Variants in TBC1D9 observed in about 807,000 individuals in gnomAD.
TBC1D9 encodes the protein TBC1 domain family member 9, also known as TBC1 domain family member 9A.
In TBC1D9, 63 loss-of-function variants were observed where a neutral mutation model predicts 132.0. The ratio of observed to expected loss-of-function variants is 0.48; its 90% CI spans 0.39 to 0.59. TBC1D9 has a LOEUF of 0.59. Ranked by LOEUF, TBC1D9 falls within the 20% of genes least tolerant of loss-of-function variation. TBC1D9 has a pLI of 0.00. For synonymous variants in TBC1D9, 610 were observed against 609.9 expected (o/e 1.00, Z 0.00); for missense variants, 1,261 against 1,592.7 (o/e 0.79, Z 3.54).
rs1337019231 is a variant in TBC1D9 at position 140,675,513 on chromosome 4, T to C, written c.1059+1381A>G. Reference sequence around the variant, plus strand: ...CTTTCTCTGACATCCTAACCTGGGGTCTTTGTCAACTCCAAGCCTCACAGC... The same window carrying C: ...CTTTCTCTGACATCCTAACCTGGGGCCTTTGTCAACTCCAAGCCTCACAGC... On this transcript the variant is annotated intron_variant, in intron 6 of 20. Transcript: ENST00000442267. 2.6e-5 allele frequency among the ~76,000 whole-genome samples: 4 copies of C among 152,100 alleles called. No individual in the cohort carries two copies. The East Asian group carries it at 7.7e-4, about 29-fold the overall frequency.
At position 140,669,713 on chromosome 4, in the gene TBC1D9, C is replaced by T; in HGVS notation, c.1358G>A (p.Gly453Asp). ...CTGTGTGGCTGTGGGGACGCTGTTG[C>T]CATTTAGGTTAAACTGGCGCTCTCC... ...ADGERQFNLN[G>D]NSVPTATQTL... is the part of the protein sequence containing the mutation. Residue 453 changes from glycine to aspartate, a missense_variant, in exon 8 of 21, where the codon GGC becomes GAC. Around this residue, in one of 3 missense-constraint regions of TBC1D9, gnomAD observed 550 missense variants for 699.0 expected, o/e 0.79. Coordinates refer to ENST00000442267, the MANE Select transcript of TBC1D9 (RefSeq NM_015130.3). 1 of 1,613,956 alleles carries T rather than the reference C, an allele frequency of 6.2e-7. No homozygotes were observed. Among genetic ancestry groups the T allele is most frequent in the Non-Finnish European group, 8.5e-7 (1 of 1,179,882 alleles).
intron 9 of TBC1D9, among the ~76,000 whole-genome samples, chr4:140,666,035 A>C (rs1218053359): frequency 6.6e-6 from 1 of 152,186 alleles, no homozygotes; most frequent in African/African-American, 2.4e-5. Flanking sequence ...CATAGGAACC[A>C]AAAAGTAGAA....
At chr4:140,670,236 A>G (rs2111009433) in intron 7 of TBC1D9, among the ~76,000 whole-genome samples, 1 of 152,268 alleles carries the variant, frequency 6.6e-6, no homozygotes, top group Middle Eastern at 3.4e-3. Flanking sequence ...CCACCTTCGA[A>G]ACATGTTTTA....
chr4:140,666,290 C>T (rs552872721), intron 9 of TBC1D9, among the ~76,000 whole-genome samples: 3 of 152,108 alleles, frequency 2.0e-5, no homozygotes, highest in African/African-American at 7.2e-5. Context: ...TGGGAGGGGG[C>T]TTGAGGGGAA....
chr4:140,733,493 T>C (rs994301732), intron 1 of TBC1D9, among the ~76,000 whole-genome samples: 14 of 152,202 alleles, frequency 9.2e-5, no homozygotes, highest in African/African-American at 2.7e-4. Flanking sequence ...ATTTTCCCTA[T>C]TAATTTCAAC....
At chr4:140,722,112 G>C (rs1239199881) in intron 1 of TBC1D9, among the ~76,000 whole-genome samples, 1 of 152,176 alleles carries the variant, frequency 6.6e-6, no homozygotes, top group Non-Finnish European at 1.5e-5. Context: ...TCAATTCATA[G>C]TAGCAGGGGA....
chr4:140,696,536 AC>A (rs1421105480), intron 2 of TBC1D9, among the ~76,000 whole-genome samples: 1 of 148,268 alleles, frequency 6.7e-6, no homozygotes, highest in East Asian at 2.1e-4. Flanking sequence ...TGGTACCTCC[AC>A]CCCGCTTTCT....
chr4:140,680,797 A>C lies in TBC1D9; in HGVS notation c.361-954T>G, dbSNP rs534690129. ...AAATTGCAACTGCCTCCTCATACCT[A>C]GAATTCCTGCTTTTTGGGCTCTTAA... On this transcript the variant is annotated intron_variant, in intron 3 of 20. Transcript: ENST00000442267. Among the ~76,000 whole-genome samples, 16 of 152,224 alleles carry C rather than the reference A, an allele frequency of 1.1e-4. No homozygotes were observed. The South Asian group carries it at 3.3e-3, about 32-fold the overall frequency.
In TBC1D9 at chr4:140,684,454, T is replaced by C. The variant is rs187427406; in HGVS notation, c.360+1890A>G. Among the ~76,000 whole-genome samples the C allele has an allele frequency of 4.3e-4, 65 of 152,262 alleles. 1 individual carries two copies. Among genetic ancestry groups the C allele is most frequent in the Admixed American group, 3.9e-3 (59 of 15,294 alleles). On this transcript the variant is annotated intron_variant, in intron 3 of 20. Transcript: ENST00000442267. ...CCATTCATCTGCACATGAATGACAT[T>C]CTTTCACACATAACTGCATTAATAG...
At chr4:140,652,076 C>CA (rs987007218) in intron 13 of TBC1D9, among the ~76,000 whole-genome samples, 35 of 151,814 alleles carry the variant, frequency 2.3e-4, no homozygotes, top group African/African-American at 8.2e-4. Flanking sequence ...CCATCTCTAC[C>CA]AAAAATACCA....
At position 140,621,569 on chromosome 4, in the gene TBC1D9, TG is replaced by T. The variant is rs1736614004; in HGVS notation, c.*625del. 6.6e-6 allele frequency: 1 copy of T among 152,252 alleles called. No individual in the cohort carries two copies. The highest frequency in any genetic ancestry group is 2.4e-5 in the African/African-American group (1 of 41,474). The allele number at this position is 152,252 out of a possible 1,614,324, so 9.4% of individuals were successfully genotyped here. ...CAATACAAGTGTTATTCTGGAATCA[TG>T]TAAAAATCACTTACTTTCATAACTG... On this transcript the variant is annotated 3_prime_UTR_variant, in exon 21 of 21. Coordinates refer to ENST00000442267, the MANE Select transcript of TBC1D9 (RefSeq NM_015130.3).
At chr4:140,693,006 C>T (rs554180929) in intron 2 of TBC1D9, among the ~76,000 whole-genome samples, 1 of 151,984 alleles carries the variant, frequency 6.6e-6, no homozygotes, top group South Asian at 2.1e-4. Context: ...GCTTGCTCCA[C>T]TCCAGAGTGA....
At chr4:140,630,525 G>T (rs1437542414) in intron 16 of TBC1D9, among the ~76,000 whole-genome samples, 1 of 152,062 alleles carries the variant, frequency 6.6e-6, no homozygotes, top group Non-Finnish European at 1.5e-5. Flanking sequence ...CCTAAAATCT[G>T]TACTGACATA....
chr4:140,735,205 GA>G (rs1738653953), intron 1 of TBC1D9, among the ~76,000 whole-genome samples: 1 of 152,086 alleles, frequency 6.6e-6, no homozygotes, highest in Non-Finnish European at 1.5e-5. Flanking sequence ...TAACCCTAAA[GA>G]AACTGCCTAC....
At chr4:140,676,823 A>G (rs1326139908) in intron 6 of TBC1D9, 71 bp downstream of exon 6, 2 of 1,558,748 alleles carry the variant, frequency 1.3e-6, no homozygotes, top group African/African-American at 2.7e-5. Flanking sequence ...TTGGTAAAAA[A>G]ATTATTCCTG....
chr4:140,741,200 C>T (rs747066352), intron 1 of TBC1D9, among the ~76,000 whole-genome samples: 2 of 152,108 alleles, frequency 1.3e-5, no homozygotes, highest in African/African-American at 4.8e-5. Flanking sequence ...CAAACTCCAA[C>T]GTGACTCTAG....
At chr4:140,729,620 C>T (rs1047559897) in intron 1 of TBC1D9, among the ~76,000 whole-genome samples, 1 of 151,992 alleles carries the variant, frequency 6.6e-6, no homozygotes, top group Non-Finnish European at 1.5e-5. Flanking sequence ...GAGATTGAGA[C>T]CATCCTGGCC....
chr4:140,715,817 C>T (rs1738326287), intron 1 of TBC1D9: 1 of 152,150 alleles, frequency 6.6e-6, no homozygotes, highest in Non-Finnish European at 1.5e-5. Flanking sequence ...CTGGATAAGA[C>T]TGAGGGACCT....
At chr4:140,631,448 C>T (rs142196645) in intron 16 of TBC1D9, among the ~76,000 whole-genome samples, 20,161 of 152,100 alleles carry the variant, frequency 0.13, 1,387 homozygotes, top group South Asian at 0.17. Context: ...GTCTTGATCT[C>T]CTGACCCCAT....
Sources: allele counts gnomAD v4.1 joint callset (sites outside exome capture counted in the v4.1 genomes callset), GRCh38; gene constraint gnomAD v4.1.1; regional missense constraint gnomAD v4.1.1; transcripts MANE v1.5; gene names NCBI Gene and HGNC (gene_info 2026-07-23, HGNC 2026-07-21).